ENTREP2: variants seen among roughly 807,000 people sequenced by gnomAD.
ENTREP2 encodes the protein endosomal transmembrane epsin interactor 2, also known as protein ENTREP2.
chr15:29,266,919 T>C, the ENTREP2 span: 1 of 152,122 alleles, frequency 6.6e-6, no homozygotes, highest in African/African-American at 2.4e-5. Context: ...ATATAACTGG[T>C]GGTGACTGCT....
chr15:29,265,208 A>T, the ENTREP2 span: 1 of 152,212 alleles, frequency 6.6e-6, no homozygotes, highest in Non-Finnish European at 1.5e-5. Flanking sequence ...CTTTAAAATC[A>T]AGAATAAGGA....
chr15:29,154,768 C>G, the ENTREP2 span, among the ~76,000 whole-genome samples: 2 of 152,208 alleles, frequency 1.3e-5, no homozygotes, highest in African/African-American at 4.8e-5. Flanking sequence ...TCTGTAACAT[C>G]CTCTGGACAA....
At chr15:29,500,586 G>A in the ENTREP2 span, among the ~76,000 whole-genome samples, 5 of 151,962 alleles carry the variant, frequency 3.3e-5, no homozygotes, top group Non-Finnish European at 5.9e-5. Context: ...TTTCATATCA[G>A]AGTTTAATCC....
the ENTREP2 span, among the ~76,000 whole-genome samples, chr15:29,144,649 G>A: frequency 1.3e-5 from 2 of 152,166 alleles, no homozygotes; most frequent in Admixed American, 1.3e-4. Context: ...AGGATTGCTT[G>A]AGCCCAGGAG....
the ENTREP2 span, among the ~76,000 whole-genome samples, chr15:29,239,536 C>T: frequency 6.6e-6 from 1 of 152,218 alleles, no homozygotes; most frequent in African/African-American, 2.4e-5. Context: ...ATCCAGAAAG[C>T]CTGGAGCAAG....
chr15:29,328,179 T>C, the ENTREP2 span, among the ~76,000 whole-genome samples: 1 of 152,194 alleles, frequency 6.6e-6, no homozygotes, highest in Non-Finnish European at 1.5e-5. Context: ...TAAGTGAATC[T>C]TAAAAAGTAA....
chr15:29,156,788 G>A, the ENTREP2 span, among the ~76,000 whole-genome samples: 6 of 152,288 alleles, frequency 3.9e-5, no homozygotes, highest in African/African-American at 1.2e-4. Flanking sequence ...AGATGCCTGC[G>A]CGTGGGCCAG....
the ENTREP2 span, among the ~76,000 whole-genome samples, chr15:29,538,958 T>C: frequency 0.45 from 68,043 of 152,000 alleles, 16,356 homozygotes; most frequent in African/African-American, 0.64. Flanking sequence ...TTAGCAAAAA[T>C]TCAGTTCAAG....
the ENTREP2 span, among the ~76,000 whole-genome samples, chr15:29,485,567 C>A: frequency 3.3e-5 from 5 of 152,160 alleles, no homozygotes; most frequent in African/African-American, 1.2e-4. Flanking sequence ...ACCATTGAGG[C>A]ACACGGTAGA....
chr15:29,335,758 T>C, the ENTREP2 span, among the ~76,000 whole-genome samples: 9 of 152,204 alleles, frequency 5.9e-5, no homozygotes, highest in African/African-American at 1.7e-4. Flanking sequence ...TGGCTCTCCA[T>C]TGTGTCTCTC....
the ENTREP2 span, chr15:29,381,636 G>T: frequency 1.5e-6 from 1 of 686,318 alleles, no homozygotes; most frequent in Non-Finnish European, 2.5e-6. Context: ...TCAGCATTCA[G>T]CAGTGAGATT....
the ENTREP2 span, among the ~76,000 whole-genome samples, chr15:29,248,896 TA>T: frequency 6.6e-6 from 1 of 152,184 alleles, no homozygotes; most frequent in African/African-American, 2.4e-5. Context: ...TTAGGAGCTG[TA>T]AAAAGGATTC....
the ENTREP2 span, among the ~76,000 whole-genome samples, chr15:29,574,810 G>A: frequency 6.6e-6 from 1 of 152,192 alleles, no homozygotes; most frequent in African/African-American, 2.4e-5. Context: ...TTACGCAGTA[G>A]AGAGTTGTGC....
the ENTREP2 span, among the ~76,000 whole-genome samples, chr15:29,271,219 GA>G: frequency 5.3e-5 from 8 of 152,094 alleles, no homozygotes; most frequent in African/African-American, 9.7e-5. Flanking sequence ...GGCCTACTAT[GA>G]AAAACAAATA....
At chr15:29,547,115 T>A in the ENTREP2 span, among the ~76,000 whole-genome samples, 1 of 146,892 alleles carries the variant, frequency 6.8e-6, no homozygotes, top group Admixed American at 6.9e-5. Context: ...TGAGATGGAG[T>A]CTCGCTCTGT....
At chr15:29,135,509 T>C in the ENTREP2 span, among the ~76,000 whole-genome samples, 1 of 152,026 alleles carries the variant, frequency 6.6e-6, no homozygotes, top group Non-Finnish European at 1.5e-5. This position sits in a 1 kb window ranked among gnomAD's most constrained non-coding sequence, Gnocchi z 7.4. Flanking sequence ...CATTCCACAC[T>C]GAGTCATGAC....
chr15:29,673,416 C>A, the ENTREP2 span, among the ~76,000 whole-genome samples: 3 of 152,130 alleles, frequency 2.0e-5, no homozygotes, highest in African/African-American at 7.2e-5. Flanking sequence ...GGTTCAAACA[C>A]CTCTGACAAA....
At chr15:29,246,954 G>A in the ENTREP2 span, among the ~76,000 whole-genome samples, 3 of 141,250 alleles carry the variant, frequency 2.1e-5, no homozygotes, top group East Asian at 2.2e-4. Flanking sequence ...AAAAATATGT[G>A]CAGATGATGA....
chr15:29,595,293 T>C, the ENTREP2 span, among the ~76,000 whole-genome samples: 41 of 152,112 alleles, frequency 2.7e-4, no homozygotes, highest in Non-Finnish European at 4.7e-4. Context: ...TTTTGTGTTT[T>C]AGGGTAGCTA....
Sources: allele counts gnomAD v4.1 joint callset (sites outside exome capture counted in the v4.1 genomes callset), GRCh38; gene constraint gnomAD v4.1.1; non-coding constraint Gnocchi (gnomAD v3.1); transcripts MANE v1.5; gene names NCBI Gene and HGNC (gene_info 2026-07-23, HGNC 2026-07-21).